The following GPR39 variants were observed in gnomAD, a reference collection of about 807,000 sequenced individuals.
The protein encoded by GPR39 is zinc sensing receptor.
A neutral mutation model predicts 18.4 loss-of-function variants in GPR39; 23 were observed. The observed-to-expected ratio is 1.25, with a 90% confidence interval of 0.90 to 1.77. The LOEUF (loss-of-function observed/expected upper bound fraction) is 1.77, where lower values mean the gene tolerates loss of function less well. Among genes scored for constraint, GPR39 ranks in the 40% most tolerant of loss-of-function variants. The pLI, the probability that GPR39 is intolerant of heterozygous loss-of-function variation, is 0.00. For synonymous variants in GPR39, 280 were observed against 257.9 expected (o/e 1.09, Z -0.82); for missense variants, 647 against 602.4 (o/e 1.07, Z -0.78).
At chr2:132,564,518 G>A (rs1680311638) in intron 1 of GPR39, among the ~76,000 whole-genome samples, 2 of 152,022 alleles carry the variant, frequency 1.3e-5, no homozygotes, top group Admixed American at 6.6e-5. Context: ...GCACTGCCCC[G>A]AGTAGGTAAG....
intron 1 of GPR39, among the ~76,000 whole-genome samples, chr2:132,485,196 C>T (rs1249334725): frequency 1.3e-5 from 2 of 152,210 alleles, no homozygotes; most frequent in African/African-American, 4.8e-5. Context: ...GTAGTCTAAG[C>T]ATTGTGTCTA....
chr2:132,601,208 C>A (rs1047603732), intron 1 of GPR39, among the ~76,000 whole-genome samples: 1 of 152,098 alleles, frequency 6.6e-6, no homozygotes, highest in African/African-American at 2.4e-5. Flanking sequence ...AAGCAAAAAT[C>A]CTCAACAAAA....
At chr2:132,427,707 G>A (rs1680152124) in intron 1 of GPR39, among the ~76,000 whole-genome samples, 2 of 150,118 alleles carry the variant, frequency 1.3e-5, no homozygotes, top group Admixed American at 6.7e-5. Context: ...AGAAGGATGG[G>A]AAGGAGTCTC....
intron 1 of GPR39, among the ~76,000 whole-genome samples, chr2:132,621,380 C>A (rs1356253727): frequency 6.6e-6 from 1 of 152,226 alleles, no homozygotes; most frequent in African/African-American, 2.4e-5. Flanking sequence ...TCTCCCTGAG[C>A]CTGGTGTCTA....
intron 1 of GPR39, among the ~76,000 whole-genome samples, chr2:132,483,368 T>C (rs1273520718): frequency 1.3e-5 from 2 of 152,222 alleles, no homozygotes; most frequent in Non-Finnish European, 2.9e-5. Flanking sequence ...TTATGCCCAA[T>C]CCATCTTGCT....
Position 132,645,125 on chromosome 2 carries a change from T to C in GPR39, c.881T>C (p.Val294Ala), listed in dbSNP as rs1486104822. The C allele has an allele frequency of 3.1e-6, 5 of 1,613,612 alleles. No individual in the cohort carries two copies. The African/African-American group carries it at 5.3e-5, about 17-fold the overall frequency. The stretch of plus-strand genomic sequence containing the variant: ...GGGCTGATTGTTGTGACATTGGCCG[T>C]ATGCTGGATGCCCAACCAGATTCGG... ...FLRLIVVTLA[V>A]CWMPNQIRRI... The change falls in exon 2 of 2, where the codon GTA (valine) becomes GCA (alanine). Residue 294 changes from valine to alanine, a missense_variant. Physicochemically the swap from Val to Ala is moderately conservative, Grantham distance 64 (BLOSUM62 0). Coordinates refer to ENST00000329321, the MANE Select transcript of GPR39 (RefSeq NM_001508.3).
chr2:132,556,574 C>T (rs1055064621), intron 1 of GPR39, among the ~76,000 whole-genome samples: 4 of 152,144 alleles, frequency 2.6e-5, no homozygotes, highest in Admixed American at 2.6e-4. Flanking sequence ...CAAACAAAGG[C>T]GGTCAAATGC....
intron 1 of GPR39, among the ~76,000 whole-genome samples, chr2:132,485,634 C>G (rs1240010067): frequency 6.6e-6 from 1 of 152,196 alleles, no homozygotes; most frequent in Non-Finnish European, 1.5e-5. Context: ...AAACCACTTT[C>G]TTTGCTTATC....
intron 1 of GPR39, among the ~76,000 whole-genome samples, chr2:132,524,577 C>T (rs1573645799): frequency 6.6e-6 from 1 of 152,138 alleles, no homozygotes; most frequent in East Asian, 1.9e-4. Flanking sequence ...TAGTGTCTGC[C>T]CAAGTCTGCT....
intron 1 of GPR39, among the ~76,000 whole-genome samples, chr2:132,592,130 A>G (rs925435829): frequency 1.3e-5 from 2 of 152,258 alleles, no homozygotes; most frequent in Admixed American, 6.5e-5. Flanking sequence ...CCCTGTCATC[A>G]TGGAGTTTAT....
In GPR39 at chr2:132,515,614, C is replaced by T. The variant is rs557854372; in HGVS notation, c.856+97716C>T. ...CAATAAGGTCACTCTGATCTTCTTCCTGCTTCTTCTCTCCTGAAGTGGGTC... is the reference window on the plus strand; with the variant it reads ...CAATAAGGTCACTCTGATCTTCTTCTTGCTTCTTCTCTCCTGAAGTGGGTC... On this transcript the variant is annotated intron_variant, in intron 1 of 1. Coordinates refer to ENST00000329321, the MANE Select transcript of GPR39 (RefSeq NM_001508.3). 2.0e-5 allele frequency among the ~76,000 whole-genome samples: 3 copies of T among 152,248 alleles called. No individual in the cohort carries two copies. The East Asian group carries it at 5.8e-4, about 29-fold the overall frequency.
At chr2:132,541,453 A>T (rs1679860300) in intron 1 of GPR39, among the ~76,000 whole-genome samples, 1 of 152,222 alleles carries the variant, frequency 6.6e-6, no homozygotes, top group Non-Finnish European at 1.5e-5. Flanking sequence ...AATAAAAATC[A>T]TATCCTGAAT....
intron 1 of GPR39, among the ~76,000 whole-genome samples, chr2:132,436,692 T>G (rs1046471383): frequency 4.5e-4 from 69 of 152,172 alleles, no homozygotes; most frequent in African/African-American, 1.5e-3. Flanking sequence ...GCCCCCCGGC[T>G]TGAAGGAATT....
intron 1 of GPR39, among the ~76,000 whole-genome samples, chr2:132,427,765 A>C (rs1294739981): frequency 6.7e-6 from 1 of 150,174 alleles, no homozygotes; most frequent in Non-Finnish European, 1.5e-5. Context: ...AGACATGATC[A>C]TAGTGTCCTG....
At chr2:132,612,525 T>C (rs769320012) in intron 1 of GPR39, among the ~76,000 whole-genome samples, 1 of 152,200 alleles carries the variant, frequency 6.6e-6, no homozygotes, top group Non-Finnish European at 1.5e-5. Flanking sequence ...TTGTGTATGG[T>C]GTCAGGTTAG....
chr2:132,645,976 C>T lies in GPR39; in HGVS notation c.*370C>T. 2 of 1,211,362 alleles carry T rather than the reference C, an allele frequency of 1.7e-6. No individual in the cohort carries two copies. Among genetic ancestry groups the T allele is most frequent in the Non-Finnish European group, 1.1e-6 (1 of 874,016 alleles). The allele number at this position is 1,211,362 out of a possible 1,614,324, so 75.0% of individuals were successfully genotyped here. On this transcript the variant is annotated 3_prime_UTR_variant, in exon 2 of 2. Coordinates refer to ENST00000329321, the MANE Select transcript of GPR39 (RefSeq NM_001508.3). ...AAAGGACACCCAGAAGAAACTCACT[C>T]AGGGAGGTGGGGGGTTGGGGGCGAG...
At chr2:132,522,085 C>T (rs1044140753) in intron 1 of GPR39, among the ~76,000 whole-genome samples, 1 of 152,174 alleles carries the variant, frequency 6.6e-6, no homozygotes, top group Non-Finnish European at 1.5e-5. Flanking sequence ...ACTTCTAGAT[C>T]CTTCCCTGTG....
chr2:132,483,549 T>A (rs973523253), intron 1 of GPR39, among the ~76,000 whole-genome samples: 1 of 152,218 alleles, frequency 6.6e-6, no homozygotes, highest in Non-Finnish European at 1.5e-5. Flanking sequence ...GTCTCAGAGT[T>A]ATATGGCTAA....
rs1489921214 is a variant in GPR39, at chr2:132,427,971, A to C, written c.856+10073A>C. 2.0e-5 allele frequency among the ~76,000 whole-genome samples: 3 copies of C among 147,224 alleles called. No homozygotes were observed. In the East Asian group the frequency reaches 5.8e-4, roughly 29 times the overall value. On this transcript the variant is annotated intron_variant, in intron 1 of 1. Transcript: ENST00000329321. ...ATTATATATAGTTATATTTATATTT[A>C]AATATATATATATTTAAAAGACAGC...
Sources: allele counts gnomAD v4.1 joint callset (sites outside exome capture counted in the v4.1 genomes callset), GRCh38; gene constraint gnomAD v4.1.1; transcripts MANE v1.5; gene names NCBI Gene and HGNC (gene_info 2026-07-23, HGNC 2026-07-21).